TNIK: variants seen among roughly 807,000 people sequenced by gnomAD.
TNIK encodes the protein TRAF2 and NCK-interacting protein kinase.
TNIK carries 49 observed loss-of-function variants against 191.3 expected under a neutral mutation model. That is an observed-to-expected ratio of 0.26 (90% CI 0.20 to 0.32). The LOEUF (loss-of-function observed/expected upper bound fraction) is 0.32, where lower values mean the gene tolerates loss of function less well. Among genes scored for constraint, TNIK ranks in the 10% least tolerant of loss-of-function variants. The pLI, the probability that TNIK is intolerant of heterozygous loss-of-function variation, is 1.00. For synonymous variants in TNIK, 594 were observed against 600.9 expected (o/e 0.99, Z 0.17); for missense variants, 1,155 against 1,702.3 (o/e 0.68, Z 5.66).
At chr3:171,223,139 G>A (rs747260204) in intron 3 of TNIK, among the ~76,000 whole-genome samples, 10 of 151,996 alleles carry the variant, frequency 6.6e-5, no homozygotes, top group Non-Finnish European at 8.8e-5. Flanking sequence ...TTTTAACCTC[G>A]AAACTAAGCT....
At chr3:171,214,918 C>A (rs953991430) in intron 3 of TNIK, among the ~76,000 whole-genome samples, 6 of 152,128 alleles carry the variant, frequency 3.9e-5, no homozygotes, top group Non-Finnish European at 8.8e-5. Flanking sequence ...CTCAAGATCA[C>A]AGGATCTACT....
chr3:171,238,002 T>C (rs1430206633), intron 2 of TNIK, among the ~76,000 whole-genome samples: 1 of 152,220 alleles, frequency 6.6e-6, no homozygotes, highest in Non-Finnish European at 1.5e-5. Context: ...ACCTGGTCCA[T>C]ATTGGTTAAT....
At chr3:171,084,020 C>T in intron 26 of TNIK, 135 bp downstream of exon 26, 2 of 1,194,286 alleles carry the variant, frequency 1.7e-6, no homozygotes, top group South Asian at 2.2e-5. Context: ...CAAGATAGTC[C>T]CAAGTTAGGT....
chr3:171,431,639 T>C (rs921517720), intron 1 of TNIK, among the ~76,000 whole-genome samples: 1 of 152,234 alleles, frequency 6.6e-6, no homozygotes, highest in African/African-American at 2.4e-5. Context: ...CTTAGGAGGA[T>C]ACTGCTTTTG....
intron 1 of TNIK, among the ~76,000 whole-genome samples, chr3:171,452,792 C>G (rs1728340775): frequency 6.7e-6 from 1 of 148,990 alleles, no homozygotes; most frequent in Admixed American, 6.7e-5. Context: ...CAATTCTAAC[C>G]CATGGTATTT....
chr3:171,442,551 ATTTAT>A (rs1726954274), intron 1 of TNIK, among the ~76,000 whole-genome samples: 1 of 152,248 alleles, frequency 6.6e-6, no homozygotes, highest in African/African-American at 2.4e-5. Flanking sequence ...TCTCTCTAAG[ATTTAT>A]TTTAAGTATC....
chr3:171,363,323 A>G (rs1715251444), intron 2 of TNIK, among the ~76,000 whole-genome samples: 1 of 152,190 alleles, frequency 6.6e-6, no homozygotes, highest in African/African-American at 2.4e-5. Flanking sequence ...CTGAGACAAT[A>G]TACATAAAAA....
chr3:171,286,885 C>A (rs1031163964), intron 2 of TNIK, among the ~76,000 whole-genome samples: 1 of 152,168 alleles, frequency 6.6e-6, no homozygotes, highest in Non-Finnish European at 1.5e-5. Flanking sequence ...TCAATTGCTA[C>A]AGCAATTTAA....
At chr3:171,349,199 C>A (rs1440404663) in intron 2 of TNIK, among the ~76,000 whole-genome samples, 1 of 152,146 alleles carries the variant, frequency 6.6e-6, no homozygotes, top group African/African-American at 2.4e-5. Flanking sequence ...GAACTTCCAC[C>A]ACCAATCTAC....
chr3:171,096,354 C>G (rs1722718437), intron 22 of TNIK, among the ~76,000 whole-genome samples: 1 of 152,072 alleles, frequency 6.6e-6, no homozygotes. Flanking sequence ...CAAATCTGAC[C>G]AAGTCCGAAT....
At chr3:171,066,796 A>G in intron 30 of TNIK, 61 bp from the exon 31 acceptor site, 2 of 1,534,220 alleles carry the variant, frequency 1.3e-6, no homozygotes, top group Middle Eastern at 1.7e-4. Flanking sequence ...TTGACTATTC[A>G]TCTCTAACAA....
intron 1 of TNIK, among the ~76,000 whole-genome samples, chr3:171,457,188 T>A (rs2108746018): frequency 6.6e-6 from 1 of 152,350 alleles, no homozygotes; most frequent in African/African-American, 2.4e-5. Flanking sequence ...CATGCAAATC[T>A]TGCATAATTT....
At chr3:171,340,772 G>T (rs193251081) in intron 2 of TNIK, among the ~76,000 whole-genome samples, 1 of 152,252 alleles carries the variant, frequency 6.6e-6, no homozygotes, top group African/African-American at 2.4e-5. Flanking sequence ...TTCTTCCAAA[G>T]TTGTCCTGGA....
chr3:171,419,243 G>A (rs1291477716), intron 1 of TNIK, among the ~76,000 whole-genome samples: 2 of 152,158 alleles, frequency 1.3e-5, no homozygotes, highest in Non-Finnish European at 2.9e-5. Context: ...TGTGAAAGAA[G>A]CCAGTCACAA....
At chr3:171,119,033 T>C (rs963708752) in intron 18 of TNIK, among the ~76,000 whole-genome samples, 3 of 152,130 alleles carry the variant, frequency 2.0e-5, no homozygotes, top group Non-Finnish European at 4.4e-5. Context: ...AGAAAATTTT[T>C]GCAATCTACT....
intron 12 of TNIK, 77 bp from the exon 13 acceptor site, chr3:171,140,586 G>T: frequency 1.5e-6 from 2 of 1,346,146 alleles, no homozygotes; most frequent in Non-Finnish European, 2.1e-6. Context: ...AGGAAAAGCT[G>T]TTGAACCCCA....
chr3:171,342,818 T>C (rs766467217), intron 2 of TNIK, among the ~76,000 whole-genome samples: 5 of 152,186 alleles, frequency 3.3e-5, no homozygotes, highest in African/African-American at 4.8e-5. Context: ...AGCTCCCTAA[T>C]CCCCTCATGT....
intron 1 of TNIK, among the ~76,000 whole-genome samples, chr3:171,431,621 C>T (rs886458154): frequency 1.3e-5 from 2 of 152,150 alleles, no homozygotes; most frequent in African/African-American, 2.4e-5. Context: ...CAGTAACTTA[C>T]TTCTCCACTT....
At chr3:171,292,155 AATT>A (rs1347705452) in intron 2 of TNIK, among the ~76,000 whole-genome samples, 1 of 152,104 alleles carries the variant, frequency 6.6e-6, no homozygotes, top group Non-Finnish European at 1.5e-5. Context: ...CCTTTATCTC[AATT>A]ATAAGAGTTG....
Sources: gnomAD v4.1 joint callset for allele counts (sites outside exome capture counted in the v4.1 genomes callset) on GRCh38, gnomAD v4.1.1 for gene constraint, MANE v1.5 for transcripts, NCBI Gene and HGNC (gene_info 2026-07-23, HGNC 2026-07-21) for gene names.